TPGS1: variants seen among roughly 807,000 people sequenced by gnomAD.
TPGS1 encodes the protein gene trap ROSA b-geo 22.
In TPGS1, 18 loss-of-function variants were observed where a neutral mutation model predicts 11.9. The ratio of observed to expected loss-of-function variants is 1.51; its 90% CI spans 1.04 to 2.24. TPGS1 has a LOEUF of 2.24. TPGS1 is among the 30% of genes most tolerant of loss of function. The probability of loss-of-function intolerance (pLI) is 0.00; values close to 1 mark genes in which losing one functional copy is unlikely to be tolerated. For missense variants in TPGS1, 500 were observed against 443.0 expected, an observed-to-expected ratio of 1.13 and a Z score of -1.16; for synonymous variants, 247 against 218.2, an observed-to-expected ratio of 1.13 and a Z score of -1.16.
In TPGS1 at chr19:519,620, C is replaced by A; in HGVS notation, c.*197C>A. The A allele has an allele frequency of 3.0e-6, 1 of 338,714 alleles. No individual in the cohort carries two copies. Among genetic ancestry groups the A allele is most frequent in the Non-Finnish European group, 5.1e-6 (1 of 197,586 alleles). The allele number at this position is 338,714 out of a possible 1,614,324, so 21.0% of individuals were successfully genotyped here. ...CGCCCCTCCACCCCCGCGGGAGCCC[C>A]TGCCCCACGCTAATAAAATGTGTTG... On this transcript the variant is annotated 3_prime_UTR_variant, in exon 2 of 2. Transcript: ENST00000359315.
rs72618585 is a variant in TPGS1, at chr19:514,183, C to A, written c.339-4706C>A. Among the ~76,000 whole-genome samples the A allele has an allele frequency of 4.1e-3, 624 of 152,154 alleles. 13 individuals are homozygous for A. In the East Asian group the frequency reaches 0.067, roughly 16 times the overall value. ...ACACTGACCCTACATTTACTGAGCA[C>A]CTATTGCATGCTGGCCCAGCATTTA... On this transcript the variant is annotated intron_variant, in intron 1 of 1. Coordinates refer to ENST00000359315, the MANE Select transcript of TPGS1 (RefSeq NM_033513.3).
At chr19:515,893 A>T (rs979647741) in intron 1 of TPGS1, among the ~76,000 whole-genome samples, 3 of 150,466 alleles carry the variant, frequency 2.0e-5, no homozygotes, top group Non-Finnish European at 4.4e-5. Flanking sequence ...TTAGCCGGGC[A>T]TAGTGGCGGA....
chr19:519,400 G>A lies in TPGS1; in HGVS notation c.850G>A (p.Ala284Thr). 1.6e-6 allele frequency: 2 copies of A among 1,226,346 alleles called. No individual in the cohort carries two copies. Among genetic ancestry groups the A allele is most frequent in the Non-Finnish European group, 2.0e-6 (2 of 983,332 alleles). The allele number at this position is 1,226,346 out of a possible 1,614,324, so 76.0% of individuals were successfully genotyped here. A position where few individuals can be genotyped will look rare whatever the true frequency, so the allele number is the denominator to read the frequency against. ...GGAGAGGGCCGCCGCGCTCTTCATC[G>A]CGAAGGTCAAGCCGGTGGGCTGAGG... The part of the protein sequence containing the change: ...FLERAAALFI[A>T]KVKPVG Residue 284 changes from alanine to threonine, a missense_variant, in exon 2 of 2, where the codon GCG becomes ACG. By Grantham distance (58) the Ala-to-Thr change is moderately conservative. Coordinates refer to ENST00000359315, the MANE Select transcript of TPGS1 (RefSeq NM_033513.3).
At chr19:511,934 C>G (rs757050924) in intron 1 of TPGS1, among the ~76,000 whole-genome samples, 2 of 152,246 alleles carry the variant, frequency 1.3e-5, no homozygotes, top group Middle Eastern at 3.4e-3. Context: ...TGCAGTGGCG[C>G]GATCTCGGCT....
intron 1 of TPGS1, among the ~76,000 whole-genome samples, chr19:511,972 C>A (rs912285619): frequency 6.6e-6 from 1 of 152,040 alleles, no homozygotes; most frequent in Admixed American, 6.6e-5. Context: ...CCTGGGTTGA[C>A]GCCATTCTCC....
intron 1 of TPGS1, among the ~76,000 whole-genome samples, chr19:511,235 T>A (rs1978785367): frequency 2.0e-5 from 3 of 152,212 alleles, no homozygotes; most frequent in Admixed American, 2.0e-4. Flanking sequence ...CAGAGCTTGC[T>A]GCCTTCCTCT....
Position 519,286 on chromosome 19 carries a change from C to T in TPGS1, c.736C>T (p.Arg246Cys). 7.6e-6 allele frequency: 9 copies of T among 1,191,400 alleles called. No homozygotes were observed. The highest frequency in any genetic ancestry group is 9.3e-6 in the Non-Finnish European group (9 of 963,374). 73.8% of individuals were successfully genotyped at this position (1,191,400 alleles called of 1,614,324 possible). Residue 246 changes from arginine (R) to cysteine (C), a missense_variant, in exon 2 of 2, where the codon CGC becomes TGC. Coordinates refer to ENST00000359315, the MANE Select transcript of TPGS1 (RefSeq NM_033513.3). Reference protein sequence around the residue: ...APARFLEAGSRLGPDSLALAL... With the variant: ...APARFLEAGSCLGPDSLALAL... ...CGCGCGCTTCCTGGAGGCCGGCTCG[C>T]GCTTGGGGCCCGACAGCCTGGCGCT... is the stretch of plus-strand genomic sequence containing the variant.
At chr19:512,510 A>G (rs1471762488) in intron 1 of TPGS1, among the ~76,000 whole-genome samples, 2 of 151,376 alleles carry the variant, frequency 1.3e-5, no homozygotes, top group Non-Finnish European at 2.9e-5. Context: ...ACCTGCAATC[A>G]TGACCACAGA....
In TPGS1 at chr19:512,335, T is replaced by G. The variant is rs188191012; in HGVS notation, c.338+4491T>G. Among the ~76,000 whole-genome samples the G allele has an allele frequency of 7.2e-5, 11 of 151,828 alleles. No homozygotes were observed. In the South Asian group the frequency reaches 8.3e-4, roughly 11 times the overall value. On this transcript the variant is annotated intron_variant, in intron 1 of 1. Transcript: ENST00000359315. The stretch of plus-strand genomic sequence containing the variant: ...CACGTCACCACACCTGGCTGATTTT[T>G]AAATTTTTGTAGAGACAGGATCTCA...
chr19:513,728 C>T (rs543947701), intron 1 of TPGS1, among the ~76,000 whole-genome samples: 21 of 150,618 alleles, frequency 1.4e-4, no homozygotes, highest in African/African-American at 4.4e-4. Context: ...CTACTGCACA[C>T]CAGCCCAGCA....
At position 519,204 on chromosome 19, in the gene TPGS1, C is replaced by T; in HGVS notation, c.654C>T (p.Gly218=). 3 of 1,465,370 alleles carry T rather than the reference C, an allele frequency of 2.0e-6. No individual in the cohort carries two copies. Among genetic ancestry groups the T allele is most frequent in the Non-Finnish European group, 2.7e-6 (3 of 1,116,354 alleles). The allele number at this position is 1,465,370 out of a possible 1,614,324, so 90.8% of individuals were successfully genotyped here. The change falls in exon 2 of 2, where the codon GGC becomes GGT. Residue 218 remains glycine, a synonymous_variant. Coordinates refer to ENST00000359315, the MANE Select transcript of TPGS1 (RefSeq NM_033513.3). ...SAAAVADRRV[G]QAVLDTLEGA... is the part of the protein sequence containing the mutation. ...CCGCCGTGGCCGACCGCCGCGTGGG[C>T]CAGGCCGTGCTGGACACCCTGGAGG...
intron 1 of TPGS1, 48 bp downstream of exon 1, chr19:507,892 C>T: frequency 4.7e-6 from 6 of 1,267,956 alleles, no homozygotes; most frequent in Non-Finnish European, 5.0e-6. Context: ...TGGACTTCAA[C>T]TCCCAGCATG....
chr19:511,973 G>A (rs778744256), intron 1 of TPGS1, among the ~76,000 whole-genome samples: 5 of 152,136 alleles, frequency 3.3e-5, no homozygotes, highest in Non-Finnish European at 7.3e-5. Flanking sequence ...CTGGGTTGAC[G>A]CCATTCTCCT....
chr19:515,904 C>T (rs1460838065), intron 1 of TPGS1, among the ~76,000 whole-genome samples: 38 of 151,790 alleles, frequency 2.5e-4, no homozygotes, highest in African/African-American at 8.7e-4. Context: ...TAGTGGCGGA[C>T]GCCTGTAGTC....
intron 1 of TPGS1, among the ~76,000 whole-genome samples, chr19:518,150 A>G (rs1166331946): frequency 3.0e-5 from 1 of 32,836 alleles, no homozygotes; most frequent in Non-Finnish European, 5.7e-5. Context: ...GGGAGCTGGG[A>G]GGAGGGAGGC....
rs758026765 is a variant in TPGS1 at position 507,609 on chromosome 19, G to T, written c.103G>T (p.Glu35Ter). The T allele has an allele frequency of 1.2e-5, 17 of 1,399,260 alleles. No individual in the cohort carries two copies. The highest frequency in any genetic ancestry group is 3.8e-6 in the Non-Finnish European group (4 of 1,064,176). 86.7% of individuals were successfully genotyped at this position (1,399,260 alleles called of 1,614,324 possible). ...CCGGGCGGCGGGGGCGGCCGAGAGC[G>T]AGGAGGACTTCCTGCGGCAGGTCGG... The part of the protein sequence containing the change: ...VSRAAGAAES[E>*]EDFLRQVGVT... The change falls in exon 1 of 2, where the codon GAG (glutamate) becomes TAG (stop). Residue 35 changes from glutamate (E) to a stop codon, truncating the protein, a stop_gained. Transcript: ENST00000359315. LOFTEE classifies it high-confidence loss of function.
At chr19:507,865 G>C in intron 1 of TPGS1, 21 bp downstream of exon 1, 2 of 1,311,678 alleles carry the variant, frequency 1.5e-6, no homozygotes, top group Non-Finnish European at 1.9e-6. Context: ...GGCCGGCTTG[G>C]GCGGGTGGGG....
intron 1 of TPGS1, chr19:508,061 G>A: frequency 2.5e-6 from 1 of 402,426 alleles, no homozygotes; most frequent in Non-Finnish European, 4.3e-6. Flanking sequence ...TGCGGCGCGA[G>A]TCCTTCTGGC....
At chr19:514,308 G>A (rs2145833444) in intron 1 of TPGS1, among the ~76,000 whole-genome samples, 1 of 150,168 alleles carries the variant, frequency 6.7e-6, no homozygotes, top group East Asian at 2.0e-4. Flanking sequence ...CTGTATTACT[G>A]AGCACCCACT....
Sources: gnomAD v4.1 joint callset for allele counts (sites outside exome capture counted in the v4.1 genomes callset) on GRCh38, gnomAD v4.1.1 for gene constraint, MANE v1.5 for transcripts, NCBI Gene and HGNC (gene_info 2026-07-23, HGNC 2026-07-21) for gene names.